Variants in FARP2 observed in about 807,000 individuals in gnomAD.
The protein encoded by FARP2 is FERM, ARH/RhoGEF and pleckstrin domain protein 2, also known as FERM, ARHGEF and pleckstrin domain-containing protein 2.
In FARP2, 111 loss-of-function variants were observed where a neutral mutation model predicts 130.5. The observed-to-expected ratio is 0.85, with a 90% CI of 0.73 to 1.00. FARP2 has a LOEUF of 1.00. Among genes scored for constraint, FARP2 ranks in the 50% least tolerant of loss-of-function variants. The pLI, the probability that FARP2 is intolerant of heterozygous loss-of-function variation, is 0.00. For synonymous variants in FARP2, 504 were observed against 516.9 expected, an observed-to-expected ratio of 0.98 and a Z score of 0.34; for missense variants, 1,385 against 1,346.3, an observed-to-expected ratio of 1.03 and a Z score of -0.45.
At position 241,456,415 on chromosome 2, in the gene FARP2, T is replaced by C. The variant is rs542620869; in HGVS notation, c.1412-332T>C. On this transcript the variant is annotated intron_variant, in intron 13 of 26. Coordinates refer to ENST00000264042, the MANE Select transcript of FARP2 (RefSeq NM_014808.4). The stretch of plus-strand genomic sequence containing the variant: ...TTTTGCTTTACACACTTTGTGGTGC[T>C]TAGTTTTATCATAGTTACATATTCT... 5.3e-5 allele frequency: 11 copies of C among 208,502 alleles called. No individual in the cohort carries two copies. In the East Asian group the frequency reaches 1.3e-3, roughly 25 times the overall value. The allele number at this position is 208,502 out of a possible 1,614,324, so 12.9% of individuals were successfully genotyped here.
At chr2:241,357,034 A>T (rs1476698) in intron 1 of FARP2, among the ~76,000 whole-genome samples, 26 of 152,198 alleles carry the variant, frequency 1.7e-4, no homozygotes, top group African/African-American at 6.3e-4. Flanking sequence ...TACACACCCG[A>T]ATTACGGGCA....
chr2:241,390,550 C>T (rs1449506927), intron 2 of FARP2, among the ~76,000 whole-genome samples: 3 of 152,094 alleles, frequency 2.0e-5, no homozygotes, highest in Admixed American at 6.6e-5. Flanking sequence ...TGTTGAGGTT[C>T]GGTTTCTGGA....
At chr2:241,424,112 C>T (rs2062873712) in intron 8 of FARP2, among the ~76,000 whole-genome samples, 2 of 152,156 alleles carry the variant, frequency 1.3e-5, no homozygotes, top group African/African-American at 2.4e-5. Context: ...ATAAAGTGAC[C>T]TTATAGATAG....
At chr2:241,373,056 C>A in intron 1 of FARP2, 28 bp from the exon 2 acceptor site, 1 of 1,149,628 alleles carries the variant, frequency 8.7e-7, no homozygotes. Flanking sequence ...ATAATTCCTT[C>A]ATGTGGTTTT....
chr2:241,452,411 A>G (rs990208873), intron 13 of FARP2, among the ~76,000 whole-genome samples: 7 of 152,254 alleles, frequency 4.6e-5, no homozygotes, highest in African/African-American at 1.7e-4. Flanking sequence ...AATAAAAAAA[A>G]AAAGTCTCCC....
rs373035763 is a variant in FARP2, at chr2:241,390,174, C to T, written c.184-13654C>T. ...GTGCCCCCACTACAGATGCCCAACC[C>T]CTTGCTCTGTCCCTATTGCTAGTGG... On this transcript the variant is annotated intron_variant, in intron 2 of 26. Coordinates refer to ENST00000264042, the MANE Select transcript of FARP2 (RefSeq NM_014808.4). Among the ~76,000 whole-genome samples, 45 of 152,318 alleles carry T rather than the reference C, an allele frequency of 3.0e-4. No homozygotes were observed. The South Asian group carries it at 9.3e-3, about 32-fold the overall frequency.
In FARP2 at chr2:241,459,349, CAG is replaced by C. The variant is rs1286354002; in HGVS notation, c.1587+2428_1587+2429del. Among the ~76,000 whole-genome samples the C allele has an allele frequency of 1.3e-5, 2 of 152,236 alleles. No individual in the cohort carries two copies. The highest frequency in any genetic ancestry group is 1.5e-5 in the Non-Finnish European group (1 of 68,046). ...CCACTCTCCTGGGGAGCCAGGGTGA[CAG>C]GGGTCTGAGAAGCACGTGCTGCCAC... is the stretch of plus-strand genomic sequence containing the variant. On this transcript the variant is annotated intron_variant, in intron 14 of 26. Coordinates refer to ENST00000264042, the MANE Select transcript of FARP2 (RefSeq NM_014808.4). The surrounding 1 kb of genome is among the most constrained non-coding windows in gnomAD (Gnocchi z 5.3).
At chr2:241,462,685 T>G in intron 15 of FARP2, 73 bp downstream of exon 15, 2 of 953,422 alleles carry the variant, frequency 2.1e-6, no homozygotes, top group Non-Finnish European at 3.2e-6. Flanking sequence ...AAATATCTCT[T>G]TTTTTTCTTT....
At chr2:241,436,654 A>G in intron 12 of FARP2, 116 bp downstream of exon 12, 1 of 879,354 alleles carries the variant, frequency 1.1e-6, no homozygotes, top group Non-Finnish European at 1.9e-6. Flanking sequence ...TTAATGCAGC[A>G]ATTGTAATCC....
intron 7 of FARP2, among the ~76,000 whole-genome samples, chr2:241,417,524 T>C (rs1258875370): frequency 6.6e-6 from 1 of 152,166 alleles, no homozygotes; most frequent in African/African-American, 2.4e-5. Context: ...GGTTTCGCCA[T>C]GTTGTCCAGG....
At chr2:241,416,643 A>G (rs1213222885) in intron 7 of FARP2, among the ~76,000 whole-genome samples, 2 of 152,212 alleles carry the variant, frequency 1.3e-5, no homozygotes, top group African/African-American at 4.8e-5. Context: ...ACTGGAGAGA[A>G]AAGTCGGGCA....
Position 241,420,919 on chromosome 2 carries a change from C to T in FARP2, c.771+2810C>T, listed in dbSNP as rs188178562. ...TGATTAGAAGCAACTGAGGTTCACA[C>T]CACTCACGAAGAGGAAAGAAAAGGG... On this transcript the variant is annotated intron_variant, in intron 8 of 26. Transcript: ENST00000264042. 2.9e-3 allele frequency among the ~76,000 whole-genome samples: 442 copies of T among 152,260 alleles called. 1 individual carries two copies. Among genetic ancestry groups the T allele is most frequent in the Non-Finnish European group, 5.0e-3 (337 of 68,026 alleles).
At chr2:241,402,836 TTATATATATATATATATATATATATA>T (rs1215612816) in intron 2 of FARP2, among the ~76,000 whole-genome samples, 17 of 16,838 alleles carry the variant, frequency 1.0e-3, no homozygotes, top group South Asian at 4.9e-3. Flanking sequence ...CCCAGCTAAT[TTATATATATATATATATATATATATA>T]TATATATATA....
chr2:241,465,607 G>T (rs114355242), intron 17 of FARP2: 19 of 1,550,706 alleles, frequency 1.2e-5, no homozygotes, highest in Non-Finnish European at 1.7e-5. Context: ...AGTGCAGGTC[G>T]TGCATTGACT....
rs1028566007 is a variant in FARP2 at position 241,462,482 on chromosome 2, T to C, written c.1588-41T>C. 4.2e-6 allele frequency: 6 copies of C among 1,442,524 alleles called. No individual in the cohort carries two copies. In the African/African-American group the frequency reaches 4.2e-5, roughly 10 times the overall value. The allele number at this position is 1,442,524 out of a possible 1,614,324, so 89.4% of individuals were successfully genotyped here. On this transcript the variant is annotated intron_variant, in intron 14 of 26. Transcript: ENST00000264042. ...GCTCCCTGAGCGTGGGAGGGTCCCA[T>C]GTCCCAGGGACGCACACTTACAGCT...
At position 241,428,056 on chromosome 2, in the gene FARP2, A is replaced by G. The variant is rs188043619; in HGVS notation, c.772-3623A>G. On this transcript the variant is annotated intron_variant, in intron 8 of 26. Transcript: ENST00000264042. ...GCTGGGATTACAGGCATGAGCCACCACGCCCAGCCTAGGCCCTCGGTTTTT... is the reference window on the plus strand; with the variant it reads ...GCTGGGATTACAGGCATGAGCCACCGCGCCCAGCCTAGGCCCTCGGTTTTT... Among the ~76,000 whole-genome samples, 473 of 152,090 alleles carry G rather than the reference A, an allele frequency of 3.1e-3. 5 individuals are homozygous for G. The highest frequency in any genetic ancestry group is 9.3e-3 in the African/African-American group (385 of 41,506).
At chr2:241,469,536 TTC>T (rs2064256396) in intron 18 of FARP2, among the ~76,000 whole-genome samples, 1 of 152,252 alleles carries the variant, frequency 6.6e-6, no homozygotes, top group African/African-American at 2.4e-5. Context: ...ATGTTGACGA[TTC>T]TCTTTCTTTT....
At chr2:241,364,540 A>C (rs1348500884) in intron 1 of FARP2, among the ~76,000 whole-genome samples, 2 of 152,244 alleles carry the variant, frequency 1.3e-5, no homozygotes, top group African/African-American at 4.8e-5. Context: ...GCTACAGTTA[A>C]AAAATAAATA....
At chr2:241,381,826 C>G (rs1195750901) in intron 2 of FARP2, among the ~76,000 whole-genome samples, 4 of 152,212 alleles carry the variant, frequency 2.6e-5, no homozygotes, top group African/African-American at 9.7e-5. Flanking sequence ...AACACTTGCA[C>G]TGCAGCATCT....
Sources: allele counts gnomAD v4.1 joint callset (sites outside exome capture counted in the v4.1 genomes callset), GRCh38; gene constraint gnomAD v4.1.1; non-coding constraint Gnocchi (gnomAD v3.1); transcripts MANE v1.5; gene names NCBI Gene and HGNC (gene_info 2026-07-23, HGNC 2026-07-21).